EXT2: variants seen among roughly 807,000 people sequenced by gnomAD.
EXT2 encodes the protein exostosin glycosyltransferase 2.
A neutral mutation model predicts 81.6 loss-of-function variants in EXT2; 53 were observed. The observed-to-expected ratio is 0.65, with a 90% CI of 0.52 to 0.82. EXT2 has a LOEUF of 0.82. Ranked by LOEUF, EXT2 falls within the 40% of genes least tolerant of loss-of-function variation. The pLI, the probability that EXT2 is intolerant of heterozygous loss-of-function variation, is 0.00. For missense variants in EXT2, 774 were observed against 910.2 expected (o/e 0.85, Z 1.93); for synonymous variants, 320 against 340.0 (o/e 0.94, Z 0.65).
intron 10 of EXT2, among the ~76,000 whole-genome samples, chr11:44,225,610 C>T (rs1202325115): frequency 1.3e-5 from 2 of 152,214 alleles, no homozygotes; most frequent in African/African-American, 4.8e-5. Flanking sequence ...TCGTTTTTGA[C>T]ATCATAATCT....
Position 44,130,154 on chromosome 11 carries a change from T to C in EXT2, c.1173+16T>C, listed in dbSNP as rs775304060. The C allele has an allele frequency of 2.5e-6, 4 of 1,606,924 alleles. No homozygotes were observed. The East Asian group carries it at 8.9e-5, about 36-fold the overall frequency. On this transcript the variant is annotated intron_variant, in intron 7 of 13. Coordinates refer to ENST00000533608, the MANE Select transcript of EXT2 (RefSeq NM_207122.2). ...GCAGAGACAGGTAAGAGGCCAAGTCTTGGGGAGGTGACATGGGTGGTACCG... is the reference window on the plus strand; with the variant it reads ...GCAGAGACAGGTAAGAGGCCAAGTCCTGGGGAGGTGACATGGGTGGTACCG...
intron 8 of EXT2, among the ~76,000 whole-genome samples, chr11:44,182,816 C>A (rs746057706): frequency 6.6e-5 from 10 of 152,124 alleles, no homozygotes; most frequent in African/African-American, 9.7e-5. Context: ...GATCTTATTT[C>A]GATTTCATCA....
At chr11:44,205,198 A>G (rs899185782) in intron 9 of EXT2, among the ~76,000 whole-genome samples, 7 of 152,192 alleles carry the variant, frequency 4.6e-5, no homozygotes, top group African/African-American at 1.4e-4. Context: ...TGTCAGGAGG[A>G]TTGAATGAAT....
At chr11:44,156,112 A>C (rs1954852280) in intron 7 of EXT2, among the ~76,000 whole-genome samples, 1 of 151,824 alleles carries the variant, frequency 6.6e-6, no homozygotes, top group African/African-American at 2.4e-5. Flanking sequence ...GAGCTCCTTT[A>C]TATGTTATTT....
chr11:44,151,804 A>G (rs1954795912), intron 7 of EXT2, among the ~76,000 whole-genome samples: 1 of 152,182 alleles, frequency 6.6e-6, no homozygotes, highest in Admixed American at 6.5e-5. Flanking sequence ...TATCTTCCAA[A>G]GTGGCTGTAC....
intron 10 of EXT2, among the ~76,000 whole-genome samples, chr11:44,213,046 C>T (rs978787303): frequency 6.6e-6 from 1 of 151,514 alleles, no homozygotes; most frequent in Admixed American, 6.6e-5. Context: ...TGTAAGTAAA[C>T]TCTATTTCAA....
chr11:44,145,304 G>A (rs1954702257), intron 7 of EXT2, among the ~76,000 whole-genome samples: 1 of 152,058 alleles, frequency 6.6e-6, no homozygotes, highest in Non-Finnish European at 1.5e-5. Flanking sequence ...CATAGAAAAG[G>A]AGCAAATAAT....
chr11:44,151,077 C>T (rs1011682744), intron 7 of EXT2, among the ~76,000 whole-genome samples: 4 of 152,060 alleles, frequency 2.6e-5, no homozygotes, highest in Non-Finnish European at 5.9e-5. Flanking sequence ...AATTAATAAA[C>T]TTTAGATTTT....
chr11:44,097,435 T>C (rs1212247629), intron 1 of EXT2, among the ~76,000 whole-genome samples: 1 of 152,120 alleles, frequency 6.6e-6, no homozygotes, highest in African/African-American at 2.4e-5. Context: ...TTCGGAATGG[T>C]TGGGTTAAGA....
chr11:44,123,336 T>C (rs1333151140), intron 4 of EXT2, among the ~76,000 whole-genome samples: 1 of 152,222 alleles, frequency 6.6e-6, no homozygotes, highest in Non-Finnish European at 1.5e-5. Flanking sequence ...TCACAAACTC[T>C]AGGTTGCGTG....
rs1956075356 is a variant in EXT2, at chr11:44,244,513, T to C, written c.*226T>C. 1 of 545,744 alleles carries C rather than the reference T, an allele frequency of 1.8e-6. No homozygotes were observed. The highest frequency in any genetic ancestry group is 2.1e-5 in the South Asian group (1 of 47,236). 33.8% of individuals were successfully genotyped at this position (545,744 alleles called of 1,614,324 possible). On this transcript the variant is annotated 3_prime_UTR_variant, in exon 14 of 14. Coordinates refer to ENST00000533608, the MANE Select transcript of EXT2 (RefSeq NM_207122.2). ...TTCTTGTATTTCTTATGATCTCTGA[T>C]GGGTTCTTCTCGAAAATGCCAAGTG...
intron 8 of EXT2, among the ~76,000 whole-genome samples, chr11:44,176,008 G>A (rs751500651): frequency 3.9e-5 from 6 of 152,180 alleles, no homozygotes; most frequent in Non-Finnish European, 5.9e-5. Flanking sequence ...GGTCTTCTAC[G>A]TGCAGATTAT....
At chr11:44,157,919 T>C (rs1055849890) in intron 7 of EXT2, among the ~76,000 whole-genome samples, 2 of 152,206 alleles carry the variant, frequency 1.3e-5, no homozygotes, top group African/African-American at 2.4e-5. Flanking sequence ...CAGGGCCCAG[T>C]GCTCTTAAGG....
rs1348438624 is a variant in EXT2, at chr11:44,247,852, T to A, written c.*3565T>A. On this transcript the variant is annotated 3_prime_UTR_variant, in exon 14 of 14. Coordinates refer to ENST00000533608, the MANE Select transcript of EXT2 (RefSeq NM_207122.2). ...ACCATGCCAGGAGGAAACTAGAGCG[T>A]CTTTATCACTGAAAGATAGCACGTT... Among the ~76,000 whole-genome samples, 1 of 152,212 alleles carries A rather than the reference T, an allele frequency of 6.6e-6. No individual in the cohort carries two copies. The highest frequency in any genetic ancestry group is 1.5e-5 in the Non-Finnish European group (1 of 68,038).
At chr11:44,133,557 A>G (rs1235595686) in intron 7 of EXT2, among the ~76,000 whole-genome samples, 1 of 152,200 alleles carries the variant, frequency 6.6e-6, no homozygotes, top group Non-Finnish European at 1.5e-5. Flanking sequence ...TCCACTTTTA[A>G]TTAACTCATT....
At chr11:44,154,991 A>G (rs1367744035) in intron 7 of EXT2, among the ~76,000 whole-genome samples, 1 of 152,002 alleles carries the variant, frequency 6.6e-6, no homozygotes, top group Non-Finnish European at 1.5e-5. Flanking sequence ...TGAGCTCCTT[A>G]TATATTCTGG....
intron 7 of EXT2, 132 bp from the exon 8 acceptor site, chr11:44,171,479 C>A: frequency 1.5e-6 from 2 of 1,345,082 alleles, no homozygotes; most frequent in Non-Finnish European, 2.1e-6. Flanking sequence ...GGAGCATATG[C>A]CCTAGGCACC....
chr11:44,186,278 G>A (rs1015815790), intron 8 of EXT2, among the ~76,000 whole-genome samples: 1 of 152,142 alleles, frequency 6.6e-6, no homozygotes, highest in Non-Finnish European at 1.5e-5. Context: ...TTTATTACTT[G>A]CAGACTGCTG....
chr11:44,150,391 GA>G (rs1225853713), intron 7 of EXT2, among the ~76,000 whole-genome samples: 2 of 152,162 alleles, frequency 1.3e-5, no homozygotes, highest in Non-Finnish European at 2.9e-5. Flanking sequence ...ACCCATCGTG[GA>G]TTCTACATTC....
Sources: gnomAD v4.1 joint callset for allele counts (sites outside exome capture counted in the v4.1 genomes callset) on GRCh38, gnomAD v4.1.1 for gene constraint, MANE v1.5 for transcripts, NCBI Gene and HGNC (gene_info 2026-07-23, HGNC 2026-07-21) for gene names.